AGBL1: variants seen among roughly 807,000 people sequenced by gnomAD.
AGBL1 encodes the protein AGBL carboxypeptidase 1, also known as cytosolic carboxypeptidase 4.
AGBL1 carries 130 observed loss-of-function variants against 118.9 expected under a neutral mutation model. The ratio of observed to expected loss-of-function variants is 1.09; its 90% CI spans 0.95 to 1.26. The LOEUF (loss-of-function observed/expected upper bound fraction) is 1.26. Ranked by LOEUF, AGBL1 falls within the 50% of genes most tolerant of loss-of-function variation. The pLI is 0.00. For missense variants in AGBL1, 1,584 were observed against 1,298.1 expected (o/e 1.22, Z -3.38); for synonymous variants, 555 against 478.9 (o/e 1.16, Z -2.08).
At chr15:86,562,405 T>A (rs996841392) in intron 21 of AGBL1, among the ~76,000 whole-genome samples, 2 of 152,206 alleles carry the variant, frequency 1.3e-5, no homozygotes, top group Non-Finnish European at 2.9e-5. Flanking sequence ...GATAATCCTG[T>A]GGTTTTTGTC....
intron 22 of AGBL1, among the ~76,000 whole-genome samples, chr15:86,691,022 A>G (rs1272282554): frequency 1.3e-5 from 2 of 152,154 alleles, no homozygotes; most frequent in African/African-American, 4.8e-5. Context: ...GGAACAAAAG[A>G]TATTAATTCA....
At position 86,247,584 on chromosome 15, in the gene AGBL1, A is replaced by G. The variant is rs11857424; in HGVS notation, c.527-87A>G. The G allele has an allele frequency of 2.0e-3, 2,621 of 1,296,630 alleles. 44 individuals are homozygous for G. In the African/African-American group the frequency reaches 0.032, roughly 16 times the overall value. 80.3% of individuals were successfully genotyped at this position (1,296,630 alleles called of 1,614,324 possible). A position where few individuals can be genotyped will look rare whatever the true frequency, so the allele number is the denominator to read the frequency against. On this transcript the variant is annotated intron_variant, in intron 6 of 22. Coordinates refer to ENST00000614907, the MANE Select transcript of AGBL1 (RefSeq NM_001386094.1). ...ATTATTCCCTTGATGATTAATAAGT[A>G]TCTTGTGGGAAATACACTGGAACAT...
intron 22 of AGBL1, among the ~76,000 whole-genome samples, chr15:86,696,358 C>T (rs1392485062): frequency 6.6e-6 from 1 of 151,870 alleles, no homozygotes; most frequent in East Asian, 1.9e-4. Flanking sequence ...TTTTAAACTG[C>T]TGTTGCTTTA....
At chr15:86,781,947 C>T (rs371879849) in intron 22 of AGBL1, among the ~76,000 whole-genome samples, 2 of 151,398 alleles carry the variant, frequency 1.3e-5, no homozygotes, top group Non-Finnish European at 2.9e-5. Flanking sequence ...TACTTTTTAT[C>T]GAGAAGTTTC....
intron 21 of AGBL1, among the ~76,000 whole-genome samples, chr15:86,588,007 A>G (rs145292572): frequency 1.1e-4 from 17 of 152,322 alleles, no homozygotes; most frequent in East Asian, 3.9e-4. Context: ...TGTACATGGA[A>G]AGGATTACTA....
At chr15:86,080,183 T>C (rs981990772) in intron 1 of AGBL1, 160 bp downstream of exon 1, 2 of 429,362 alleles carry the variant, frequency 4.7e-6, no homozygotes, top group Non-Finnish European at 7.8e-6. Context: ...CTGACCTAAG[T>C]GATGCTATGG....
chr15:86,300,505 A>T (rs769401068), intron 17 of AGBL1, among the ~76,000 whole-genome samples: 1 of 152,210 alleles, frequency 6.6e-6, no homozygotes, highest in Non-Finnish European at 1.5e-5. Flanking sequence ...TCTCTAAATG[A>T]ATAGTCACAG....
intron 16 of AGBL1, among the ~76,000 whole-genome samples, chr15:86,285,944 C>T (rs1325477797): frequency 6.6e-6 from 1 of 152,036 alleles, no homozygotes; most frequent in East Asian, 1.9e-4. Flanking sequence ...ATAGACCAAC[C>T]TTCTGCCTAA....
chr15:86,933,822 T>C (rs1388512013), intron 23 of AGBL1, among the ~76,000 whole-genome samples: 1 of 152,240 alleles, frequency 6.6e-6, no homozygotes, highest in Non-Finnish European at 1.5e-5. Flanking sequence ...GCATATAACA[T>C]AGGCTCCCTT....
chr15:86,260,270 GC>G (rs2078962265), intron 9 of AGBL1, among the ~76,000 whole-genome samples: 1 of 152,206 alleles, frequency 6.6e-6, no homozygotes, highest in Non-Finnish European at 1.5e-5. Context: ...ACTGATCCAG[GC>G]CTTTAACCTG....
chr15:86,565,624 T>G (rs1457300555), intron 21 of AGBL1, among the ~76,000 whole-genome samples: 1 of 152,330 alleles, frequency 6.6e-6, no homozygotes, highest in Middle Eastern at 3.4e-3. Flanking sequence ...GATCTCAAAC[T>G]CCATGCTAGG....
chr15:86,642,226 T>C (rs1421685963), intron 21 of AGBL1, among the ~76,000 whole-genome samples: 2 of 152,106 alleles, frequency 1.3e-5, no homozygotes, highest in Admixed American at 1.3e-4. Flanking sequence ...ATCAGAAGGG[T>C]TGAAGAATTT....
chr15:86,128,956 A>ATGC (rs1363197515), intron 1 of AGBL1, among the ~76,000 whole-genome samples: 5 of 152,202 alleles, frequency 3.3e-5, no homozygotes, highest in Non-Finnish European at 5.9e-5. Context: ...TCCCAATTAT[A>ATGC]TTAACACAGT....
At position 86,830,372 on chromosome 15, in the gene AGBL1, A is replaced by T. The variant is rs182156104; in HGVS notation, c.3159-76715A>T. Among the ~76,000 whole-genome samples the T allele has an allele frequency of 5.1e-3, 781 of 151,726 alleles. 1 individual carries two copies. Among genetic ancestry groups the T allele is most frequent in the East Asian group, 0.015 (77 of 5,168 alleles). ...CCTGTTTTTGAACCTTATTTTTTTT[A>T]AAAAAAACAATCATAGTAAAGCATT... On this transcript the variant is annotated intron_variant, in intron 22 of 22. Transcript: ENST00000614907.
intron 22 of AGBL1, among the ~76,000 whole-genome samples, chr15:86,800,932 A>G (rs543135775): frequency 6.6e-6 from 1 of 152,268 alleles, no homozygotes; most frequent in Admixed American, 6.5e-5. Flanking sequence ...GTGACATTTT[A>G]AGGGGTGAGA....
rs188459269 is a variant in AGBL1 at position 87,020,445 on chromosome 15, A to G, written c.3324-8380A>G. Among the ~76,000 whole-genome samples, 377 of 152,232 alleles carry G rather than the reference A, an allele frequency of 2.5e-3. 1 individual carries two copies. The highest frequency in any genetic ancestry group is 8.7e-3 in the African/African-American group (360 of 41,538). On this transcript the variant is annotated intron_variant, in intron 24 of 24. Transcript: ENST00000441037. The stretch of plus-strand genomic sequence containing the variant: ...CATTCCCCTTGAAAACTAGCACCAG[A>G]AAAGGGTGTCCTCTCTTACCACTCC...
chr15:86,242,594 G>A (rs760837020), intron 6 of AGBL1, among the ~76,000 whole-genome samples: 9 of 152,092 alleles, frequency 5.9e-5, no homozygotes, highest in Non-Finnish European at 1.2e-4. Context: ...GGCAGGGAGG[G>A]GTACATGAGT....
At chr15:86,731,225 G>T (rs1182267646) in intron 22 of AGBL1, among the ~76,000 whole-genome samples, 1 of 152,106 alleles carries the variant, frequency 6.6e-6, no homozygotes, top group Non-Finnish European at 1.5e-5. Flanking sequence ...AATGATAGTA[G>T]GTTCAGTTGA....
rs887110824 is a variant in AGBL1 at position 86,476,994 on chromosome 15, T to C, written c.2556-45816T>C. Reference sequence around the variant, plus strand: ...TCCTGAATGACTACTGGTTACATAATGAAATGAAGGCAGAAAAAAAGATGT... The same window carrying C: ...TCCTGAATGACTACTGGTTACATAACGAAATGAAGGCAGAAAAAAAGATGT... On this transcript the variant is annotated intron_variant, in intron 18 of 22. Transcript: ENST00000614907. 2.6e-3 allele frequency among the ~76,000 whole-genome samples: 399 copies of C among 152,180 alleles called. 1 individual carries two copies. Among genetic ancestry groups the C allele is most frequent in the Non-Finnish European group, 4.7e-3 (318 of 68,022 alleles).
Sources: gnomAD v4.1 joint callset for allele counts (sites outside exome capture counted in the v4.1 genomes callset) on GRCh38, gnomAD v4.1.1 for gene constraint, MANE v1.5 for transcripts, NCBI Gene and HGNC (gene_info 2026-07-23, HGNC 2026-07-21) for gene names.